The following CCSER1 variants were observed in gnomAD, a reference collection of about 807,000 sequenced individuals.
The protein encoded by CCSER1 is serine-rich coiled-coil domain-containing protein 1.
In CCSER1, 41 loss-of-function variants were observed where a neutral mutation model predicts 82.0. That is an observed-to-expected ratio of 0.50 (90% CI 0.39 to 0.65). The LOEUF (loss-of-function observed/expected upper bound fraction) is 0.65. CCSER1 is among the 30% of genes least tolerant of loss of function. The pLI, the probability that CCSER1 is intolerant of heterozygous loss-of-function variation, is 0.00. For missense variants in CCSER1, 1,119 were observed against 1,064.2 expected, an observed-to-expected ratio of 1.05 and a Z score of -0.72; for synonymous variants, 414 against 383.9, an observed-to-expected ratio of 1.08 and a Z score of -0.92.
intron 3 of CCSER1, among the ~76,000 whole-genome samples, chr4:90,384,940 C>T (rs1749782137): frequency 6.6e-6 from 1 of 152,146 alleles, no homozygotes; most frequent in African/African-American, 2.4e-5. Flanking sequence ...TATGGCCCTA[C>T]ATATCCATAG....
At chr4:90,316,750 A>G (rs1297192219) in intron 3 of CCSER1, among the ~76,000 whole-genome samples, 1 of 152,148 alleles carries the variant, frequency 6.6e-6, no homozygotes, top group Non-Finnish European at 1.5e-5. Context: ...TACCTGATGG[A>G]TTAGATATAG....
intron 10 of CCSER1, among the ~76,000 whole-genome samples, chr4:91,579,375 C>T (rs374183324): frequency 1.3e-5 from 2 of 151,578 alleles, no homozygotes; most frequent in South Asian, 2.1e-4. Flanking sequence ...TTCAATCCCC[C>T]CTCCCCTCCC....
chr4:90,261,175 TG>T (rs1485121801), intron 1 of CCSER1, among the ~76,000 whole-genome samples: 4 of 151,796 alleles, frequency 2.6e-5, no homozygotes, highest in Non-Finnish European at 4.4e-5. Context: ...TTTTTTTCAC[TG>T]TGTTATTGTT....
In CCSER1 at chr4:91,128,169, A is replaced by T. The variant is rs76716663; in HGVS notation, c.2217+42175A>T. Among the ~76,000 whole-genome samples, 400 of 152,120 alleles carry T rather than the reference A, an allele frequency of 2.6e-3. 9 individuals carry two copies. The East Asian group carries it at 0.035, about 13-fold the overall frequency. ...TTTCCACTTAAATCTGCTTCTACCC[A>T]GGCCCACGTGTTCTTTTCTAATCTT... On this transcript the variant is annotated intron_variant, in intron 10 of 10. Transcript: ENST00000509176.
intron 5 of CCSER1, among the ~76,000 whole-genome samples, chr4:90,482,088 G>A (rs1273327793): frequency 1.3e-5 from 2 of 152,122 alleles, no homozygotes; most frequent in African/African-American, 4.8e-5. Context: ...CTTCTTCCTG[G>A]TTGAGATTTG....
chr4:91,410,701 G>T (rs1169698899), intron 10 of CCSER1, among the ~76,000 whole-genome samples: 3 of 152,096 alleles, frequency 2.0e-5, no homozygotes, highest in African/African-American at 7.2e-5. Flanking sequence ...GAAAAAGAAT[G>T]TATAATTTTA....
intron 10 of CCSER1, among the ~76,000 whole-genome samples, chr4:91,354,960 C>T (rs1015953983): frequency 1.3e-5 from 2 of 152,164 alleles, no homozygotes; most frequent in Admixed American, 6.6e-5. Context: ...GATGTTTACA[C>T]TAGGATCTAG....
At chr4:91,220,328 G>A (rs960878879) in intron 10 of CCSER1, among the ~76,000 whole-genome samples, 2 of 152,176 alleles carry the variant, frequency 1.3e-5, no homozygotes, top group African/African-American at 2.4e-5. Flanking sequence ...TGCTGTGCTC[G>A]TTGAAAAGGT....
chr4:91,580,444 G>A (rs886479352), intron 10 of CCSER1, among the ~76,000 whole-genome samples: 1 of 151,520 alleles, frequency 6.6e-6, no homozygotes, highest in African/African-American at 2.4e-5. Flanking sequence ...TTTTATATAT[G>A]TGGAAATGGG....
At chr4:90,143,766 C>A (rs1197872018) in intron 1 of CCSER1, among the ~76,000 whole-genome samples, 1 of 151,532 alleles carries the variant, frequency 6.6e-6, no homozygotes, top group African/African-American at 2.4e-5. Context: ...CTCACTGCAG[C>A]CTTGAACTCC....
chr4:90,316,218 G>C (rs1440164420), intron 3 of CCSER1, among the ~76,000 whole-genome samples: 1 of 152,112 alleles, frequency 6.6e-6, no homozygotes, highest in African/African-American at 2.4e-5. Context: ...AAGATAAGCA[G>C]GTTGCCTAAA....
At chr4:90,739,068 C>T (rs1279641100) in intron 7 of CCSER1, among the ~76,000 whole-genome samples, 1 of 152,230 alleles carries the variant, frequency 6.6e-6, no homozygotes, top group Non-Finnish European at 1.5e-5. Context: ...TGTGAATGTG[C>T]TGGGTCACAC....
In CCSER1 at chr4:90,332,181, C is replaced by T. The variant is rs181350082; in HGVS notation, c.1509+19134C>T. Among the ~76,000 whole-genome samples the T allele has an allele frequency of 3.2e-4, 48 of 151,954 alleles. No individual in the cohort carries two copies. In the East Asian group the frequency reaches 5.2e-3, roughly 17 times the overall value. On this transcript the variant is annotated intron_variant, in intron 3 of 10. Transcript: ENST00000509176. Reference sequence around the variant, plus strand: ...AAACTTACTTTCATGCTTTATAGAACGAGCATCACTTTAGTTATGCCACGT... The same window carrying T: ...AAACTTACTTTCATGCTTTATAGAATGAGCATCACTTTAGTTATGCCACGT...
intron 6 of CCSER1, among the ~76,000 whole-genome samples, chr4:90,635,835 A>C (rs1333021903): frequency 2.0e-5 from 3 of 151,888 alleles, no homozygotes; most frequent in Non-Finnish European, 4.4e-5. Flanking sequence ...ACCCTGATTT[A>C]ATCACTCCAC....
intron 8 of CCSER1, among the ~76,000 whole-genome samples, chr4:90,864,803 G>C (rs574946416): frequency 6.6e-6 from 1 of 152,100 alleles, no homozygotes; most frequent in Admixed American, 6.6e-5. Flanking sequence ...TTTGGGACTA[G>C]TCTACTGCAA....
intron 1 of CCSER1, among the ~76,000 whole-genome samples, chr4:90,135,115 G>A (rs897286043): frequency 7.2e-5 from 11 of 151,920 alleles, no homozygotes; most frequent in African/African-American, 2.7e-4. Context: ...CTCCTGATTC[G>A]GAAGCATTCT....
chr4:90,152,377 G>A (rs1386396036), intron 1 of CCSER1, among the ~76,000 whole-genome samples: 1 of 152,156 alleles, frequency 6.6e-6, no homozygotes, highest in East Asian at 1.9e-4. Context: ...ATGAAGGAAT[G>A]GGCATACTGG....
chr4:90,486,756 GT>G (rs1203124101), intron 5 of CCSER1, among the ~76,000 whole-genome samples: 1 of 152,104 alleles, frequency 6.6e-6, no homozygotes, highest in African/African-American at 2.4e-5. Flanking sequence ...TATGATTTGG[GT>G]TTTGTCTATG....
At chr4:91,377,133 T>C (rs1750480843) in intron 10 of CCSER1, among the ~76,000 whole-genome samples, 1 of 152,220 alleles carries the variant, frequency 6.6e-6, no homozygotes, top group African/African-American at 2.4e-5. Context: ...TCACATTTTC[T>C]TAATCCAGTC....
Sources: gnomAD v4.1 joint callset for allele counts (sites outside exome capture counted in the v4.1 genomes callset) on GRCh38, gnomAD v4.1.1 for gene constraint, MANE v1.5 for transcripts, NCBI Gene and HGNC (gene_info 2026-07-23, HGNC 2026-07-21) for gene names.